The following TEX11 variants were observed in gnomAD, a reference collection of about 807,000 sequenced individuals.
TEX11 encodes the protein testis-expressed protein 11.
Under a neutral mutation model 84.4 loss-of-function variants are expected in TEX11, and 7 were observed. The observed-to-expected ratio is 0.08, with a 90% CI of 0.05 to 0.16. TEX11 has a LOEUF of 0.16. Ranked by LOEUF, TEX11 falls within the 10% of genes least tolerant of loss-of-function variation. The pLI is 1.00. For missense variants in TEX11, 551 were observed against 660.5 expected (o/e 0.83, Z 1.82); for synonymous variants, 264 against 222.8 (o/e 1.18, Z -1.64).
intron 8 of TEX11, among the ~76,000 whole-genome samples, chrX:70,825,383 G>A (rs999729673): frequency 1.9e-5 from 2 of 107,973 alleles, no homozygotes; most frequent in African/African-American, 3.4e-5. Context: ...AAAACTACTC[G>A]GTATATGACA....
At chrX:70,851,019 C>T (rs2091505449) in intron 7 of TEX11, among the ~76,000 whole-genome samples, 1 of 112,124 alleles carries the variant, frequency 8.9e-6, no homozygotes, top group Admixed American at 9.5e-5. Flanking sequence ...AACAATATCC[C>T]CCAAATTGTT....
At chrX:70,680,348 C>G (rs1652076360) in intron 14 of TEX11, among the ~76,000 whole-genome samples, 1 of 90,469 alleles carries the variant, frequency 1.1e-5, no homozygotes, top group African/African-American at 4.1e-5. Context: ...AAGGGCGGTG[C>G]AAGATGTGCT....
intron 25 of TEX11, among the ~76,000 whole-genome samples, chrX:70,559,504 G>A (rs2088334700): frequency 4.5e-5 from 5 of 112,104 alleles, no homozygotes; most frequent in Non-Finnish European, 9.4e-5. Flanking sequence ...GCACATATCT[G>A]TGAATATACT....
chrX:70,661,975 A>G (rs779866586), intron 16 of TEX11, among the ~76,000 whole-genome samples: 1 of 112,420 alleles, frequency 8.9e-6, no homozygotes, highest in South Asian at 3.7e-4. Context: ...CCTCCTCCAA[A>G]GGAATGCAGC....
At chrX:70,547,804 C>G (rs2088153209) in intron 28 of TEX11, among the ~76,000 whole-genome samples, 1 of 111,929 alleles carries the variant, frequency 8.9e-6, no homozygotes, top group Non-Finnish European at 1.9e-5. Flanking sequence ...AACAGGAACA[C>G]TTTTACACTG....
intron 11 of TEX11, among the ~76,000 whole-genome samples, chrX:70,740,340 G>A (rs1424901498): frequency 9.0e-6 from 1 of 110,896 alleles, no homozygotes; most frequent in Non-Finnish European, 1.9e-5. Context: ...TGATAAAAGG[G>A]GTGAACAAAC....
chrX:70,721,268 C>T (rs1052316812), intron 13 of TEX11, among the ~76,000 whole-genome samples: 1 of 111,816 alleles, frequency 8.9e-6, no homozygotes, highest in African/African-American at 3.2e-5. Flanking sequence ...TGCTCTACCA[C>T]AGCAACTATA....
At chrX:70,869,479 C>T (rs2091619231) in intron 4 of TEX11, among the ~76,000 whole-genome samples, 1 of 112,089 alleles carries the variant, frequency 8.9e-6, no homozygotes, top group African/African-American at 3.2e-5. Context: ...TACCACTTTA[C>T]TAAAACTGCA....
intron 17 of TEX11, among the ~76,000 whole-genome samples, chrX:70,648,869 C>T (rs2089778635): frequency 1.8e-5 from 2 of 110,376 alleles, no homozygotes; most frequent in Admixed American, 1.9e-4. Flanking sequence ...TTCTCCCTCC[C>T]CTCCCCGCCC....
intron 25 of TEX11, among the ~76,000 whole-genome samples, chrX:70,580,808 C>T (rs1023712091): frequency 3.6e-5 from 4 of 111,755 alleles, no homozygotes; most frequent in Non-Finnish European, 7.5e-5. Context: ...AATTGAATCC[C>T]TGTTCTGACA....
chrX:70,803,545 T>C (rs2091201282), intron 9 of TEX11, among the ~76,000 whole-genome samples: 2 of 112,378 alleles, frequency 1.8e-5, no homozygotes, highest in African/African-American at 6.5e-5. Flanking sequence ...CGTTTAGTAT[T>C]GCTCTAGGCT....
At chrX:70,552,451 T>G (rs1425460363) in intron 27 of TEX11, among the ~76,000 whole-genome samples, 2 of 112,055 alleles carry the variant, frequency 1.8e-5, no homozygotes, top group Admixed American at 9.5e-5. Context: ...TTTTCATGCC[T>G]ATGGTTGTCT....
intron 17 of TEX11, among the ~76,000 whole-genome samples, chrX:70,647,680 T>A (rs12855103): frequency 0.08 from 8,501 of 106,261 alleles, 884 homozygotes; most frequent in African/African-American, 0.26. Context: ...AAATAAAAAA[T>A]AAAAAAAGGA....
chrX:70,700,567 AC>A (rs1272564626), intron 13 of TEX11, among the ~76,000 whole-genome samples: 1 of 111,134 alleles, frequency 9.0e-6, no homozygotes, highest in Non-Finnish European at 1.9e-5. Flanking sequence ...TTCCTTGGGC[AC>A]CCCTATTCCC....
intron 25 of TEX11, among the ~76,000 whole-genome samples, chrX:70,581,235 A>G (rs1325083): frequency 0.081 from 8,502 of 104,793 alleles, 827 homozygotes; most frequent in African/African-American, 0.26. Context: ...TGAACTCCTG[A>G]GCTCAAGCAA....
At chrX:70,794,015 T>C (rs1012444358) in intron 9 of TEX11, among the ~76,000 whole-genome samples, 3 of 111,836 alleles carry the variant, frequency 2.7e-5, no homozygotes, top group African/African-American at 9.8e-5. Context: ...TTGACAACTA[T>C]CTGCACAAAA....
At chrX:70,557,376 A>G (rs1174025005) in intron 25 of TEX11, among the ~76,000 whole-genome samples, 1 of 107,914 alleles carries the variant, frequency 9.3e-6, no homozygotes, top group East Asian at 3.0e-4. Flanking sequence ...AGGCTGAGGC[A>G]TGAGAATCAC....
chrX:70,575,853 T>C (rs1183444294), intron 25 of TEX11, among the ~76,000 whole-genome samples: 2 of 111,861 alleles, frequency 1.8e-5, no homozygotes, highest in Non-Finnish European at 3.8e-5. Flanking sequence ...CTATTTATTC[T>C]TGAAGAGTAA....
chrX:70,764,581 G>A (rs1452854615), intron 9 of TEX11, among the ~76,000 whole-genome samples: 1 of 111,455 alleles, frequency 9.0e-6, no homozygotes, highest in East Asian at 2.8e-4. Context: ...CAAAACTTTA[G>A]CCAGACTATC....
Sources: gnomAD v4.1 joint callset for allele counts (sites outside exome capture counted in the v4.1 genomes callset) on GRCh38, gnomAD v4.1.1 for gene constraint, MANE v1.5 for transcripts, NCBI Gene and HGNC (gene_info 2026-07-23, HGNC 2026-07-21) for gene names.